RIT2: variants seen among roughly 807,000 people sequenced by gnomAD.
RIT2 encodes the protein Ras like without CAAX 2.
In RIT2, 24 loss-of-function variants were observed where a neutral mutation model predicts 23.7. That is an observed-to-expected ratio of 1.01 (90% CI 0.73 to 1.43). The LOEUF (loss-of-function observed/expected upper bound fraction) is 1.43. Ranked by LOEUF, RIT2 falls within the 40% of genes most tolerant of loss-of-function variation. The pLI is 0.00. For missense variants in RIT2, 236 were observed against 266.9 expected (o/e 0.88, Z 0.81); for synonymous variants, 107 against 91.1 (o/e 1.17, Z -0.99).
intron 1 of RIT2, among the ~76,000 whole-genome samples, chr18:43,086,573 G>A (rs1013495623): frequency 4.6e-5 from 7 of 152,088 alleles, no homozygotes; most frequent in Non-Finnish European, 7.4e-5. Flanking sequence ...GCCCCACTGC[G>A]GGATTCACAT....
rs373063562 is a variant in RIT2, at chr18:43,019,274, A to C, written c.160+14537T>G. Among the ~76,000 whole-genome samples, 380 of 152,124 alleles carry C rather than the reference A, an allele frequency of 2.5e-3. 1 individual carries two copies. Among genetic ancestry groups the C allele is most frequent in the African/African-American group, 8.6e-3 (358 of 41,566 alleles). On this transcript the variant is annotated intron_variant, in intron 2 of 4. Coordinates refer to ENST00000326695, the MANE Select transcript of RIT2 (RefSeq NM_002930.4). ...GCCAATATCCCTAAAAAACATAGAT[A>C]CAAAAATTCTCAAAAAAATACTAGC...
chr18:42,957,237 A>G (rs1909993247), intron 3 of RIT2, among the ~76,000 whole-genome samples: 10 of 152,334 alleles, frequency 6.6e-5, no homozygotes, highest in Admixed American at 3.9e-4. Flanking sequence ...CAAAATATCC[A>G]TAATGCATCC....
chr18:43,022,363 T>C (rs1319811630), intron 2 of RIT2, among the ~76,000 whole-genome samples: 1 of 152,100 alleles, frequency 6.6e-6, no homozygotes, highest in Non-Finnish European at 1.5e-5. Context: ...ACAGTTAGAC[T>C]GAAGGAATAA....
intron 1 of RIT2, among the ~76,000 whole-genome samples, chr18:43,076,534 A>T (rs547775652): frequency 2.0e-5 from 3 of 152,150 alleles, no homozygotes; most frequent in African/African-American, 7.2e-5. Flanking sequence ...GACCAGAAAA[A>T]AAAAGGTATA....
intron 3 of RIT2, among the ~76,000 whole-genome samples, chr18:42,958,937 T>C (rs937017368): frequency 6.6e-6 from 1 of 152,216 alleles, no homozygotes; most frequent in African/African-American, 2.4e-5. Flanking sequence ...TCAGTTTTCA[T>C]GCCAACAATA....
chr18:43,006,603 A>G (rs1201193706), intron 2 of RIT2, among the ~76,000 whole-genome samples: 2 of 151,676 alleles, frequency 1.3e-5, no homozygotes, highest in Admixed American at 1.3e-4. Flanking sequence ...AATAAATACA[A>G]TTGGTGATGC....
In RIT2 at chr18:42,881,931, C is replaced by T. The variant is rs189750651; in HGVS notation, c.426+41641G>A. Among the ~76,000 whole-genome samples the T allele has an allele frequency of 6.2e-3, 949 of 152,290 alleles. 8 individuals are homozygous for T. Among genetic ancestry groups the T allele is most frequent in the Non-Finnish European group, 0.01 (688 of 68,012 alleles). On this transcript the variant is annotated intron_variant, in intron 4 of 4. Coordinates refer to ENST00000326695, the MANE Select transcript of RIT2 (RefSeq NM_002930.4). ...TTACTTGTCATCTCAGGCATACAGGCGGATCACTCCAAACCACATTGCTCA... is the reference window on the plus strand; with the variant it reads ...TTACTTGTCATCTCAGGCATACAGGTGGATCACTCCAAACCACATTGCTCA...
At chr18:43,046,371 A>G (rs58059223) in intron 1 of RIT2, among the ~76,000 whole-genome samples, 9,053 of 152,304 alleles carry the variant, frequency 0.059, 334 homozygotes, top group South Asian at 0.12. Flanking sequence ...TTGGTCCACT[A>G]GGCTGGATTT....
At chr18:43,082,578 G>T (rs1391851042) in intron 1 of RIT2, among the ~76,000 whole-genome samples, 1 of 151,976 alleles carries the variant, frequency 6.6e-6, no homozygotes, top group African/African-American at 2.4e-5. Context: ...TTCAATATAT[G>T]CAAATAAATA....
Position 42,743,269 on chromosome 18 carries a change from A to T in RIT2, c.*224T>A. On this transcript the variant is annotated 3_prime_UTR_variant, in exon 5 of 5. Transcript: ENST00000326695. ...CAATTTTATTTAGTACTATGTTGTAAAAACTAAACAGCATATCCAGCTGAT... is the reference window on the plus strand; with the variant it reads ...CAATTTTATTTAGTACTATGTTGTATAAACTAAACAGCATATCCAGCTGAT... 1 of 555,656 alleles carries T rather than the reference A, an allele frequency of 1.8e-6. No homozygotes were observed. The highest frequency in any genetic ancestry group is 2.2e-5 in the South Asian group (1 of 45,992). 34.4% of individuals were successfully genotyped at this position (555,656 alleles called of 1,614,324 possible). A position where few individuals can be genotyped will look rare whatever the true frequency, so the allele number is the denominator to read the frequency against.
intron 1 of RIT2, among the ~76,000 whole-genome samples, chr18:43,110,977 G>A (rs997673643): frequency 3.9e-5 from 6 of 152,200 alleles, no homozygotes; most frequent in African/African-American, 1.4e-4. Context: ...ATAGGGGGTG[G>A]CAGTATCAGC....
chr18:42,896,569 A>C (rs900372685), intron 4 of RIT2, among the ~76,000 whole-genome samples: 1 of 152,204 alleles, frequency 6.6e-6, no homozygotes, highest in Non-Finnish European at 1.5e-5. Flanking sequence ...TCAACATTGT[A>C]ATACAATCTT....
At chr18:42,771,770 G>T (rs549049937) in intron 4 of RIT2, among the ~76,000 whole-genome samples, 1 of 152,174 alleles carries the variant, frequency 6.6e-6, no homozygotes, top group South Asian at 2.1e-4. Flanking sequence ...CTTATTGACT[G>T]GTAGCAATGT....
intron 2 of RIT2, among the ~76,000 whole-genome samples, chr18:42,993,012 A>G (rs1598741444): frequency 6.6e-6 from 1 of 152,252 alleles, no homozygotes; most frequent in Admixed American, 6.5e-5. Flanking sequence ...AGTGTACAAT[A>G]ATAGAAAAAA....
At chr18:43,088,545 T>C (rs1174305854) in intron 1 of RIT2, among the ~76,000 whole-genome samples, 1 of 152,170 alleles carries the variant, frequency 6.6e-6, no homozygotes, top group Non-Finnish European at 1.5e-5. Flanking sequence ...GAGGAAAATA[T>C]ACAAAGTTGT....
At chr18:42,957,073 T>A (rs1909989345) in intron 3 of RIT2, among the ~76,000 whole-genome samples, 2 of 152,160 alleles carry the variant, frequency 1.3e-5, no homozygotes, top group South Asian at 2.1e-4. Context: ...TTAATCAACA[T>A]CAGTTAAAAA....
chr18:42,906,387 A>C (rs952748864), intron 4 of RIT2, among the ~76,000 whole-genome samples: 3 of 152,168 alleles, frequency 2.0e-5, no homozygotes, highest in Non-Finnish European at 4.4e-5. Flanking sequence ...AACTGCTTAA[A>C]TCATATTACA....
chr18:42,822,593 G>A, intron 4 of RIT2, among the ~76,000 whole-genome samples: 1 of 152,098 alleles, frequency 6.6e-6, no homozygotes, highest in Non-Finnish European at 1.5e-5. Flanking sequence ...TAAATGGAGT[G>A]TCAAGAGACC....
chr18:42,849,016 G>A (rs1906980289), intron 4 of RIT2, among the ~76,000 whole-genome samples: 1 of 152,140 alleles, frequency 6.6e-6, no homozygotes, highest in Non-Finnish European at 1.5e-5. Context: ...GATTTTATAT[G>A]TGTTAGCTTA....
Sources: allele counts gnomAD v4.1 joint callset (sites outside exome capture counted in the v4.1 genomes callset), GRCh38; gene constraint gnomAD v4.1.1; transcripts MANE v1.5; gene names NCBI Gene and HGNC (gene_info 2026-07-23, HGNC 2026-07-21).